The following C5AR2 variants were observed in gnomAD, a reference collection of about 807,000 sequenced individuals.
The protein encoded by C5AR2 is C5a anaphylatoxin chemotactic receptor 2.
For synonymous variants in C5AR2, 224 were observed against 216.5 expected (o/e 1.03, Z -0.30); for missense variants, 458 against 467.5 (o/e 0.98, Z 0.19).
intron 1 of C5AR2, among the ~76,000 whole-genome samples, chr19:47,336,387 G>A (rs1176289970): frequency 6.6e-6 from 1 of 151,716 alleles, no homozygotes; most frequent in Non-Finnish European, 1.5e-5. Context: ...ACTGTGCCCG[G>A]CTAGGGGGGG....
intron 1 of C5AR2, among the ~76,000 whole-genome samples, chr19:47,338,380 G>A (rs1376430247): frequency 6.6e-6 from 1 of 151,048 alleles, no homozygotes; most frequent in African/African-American, 2.4e-5. Flanking sequence ...CCAGGAGTTC[G>A]AGGCTGCAGT....
Position 47,342,007 on chromosome 19 carries a change from A to C in C5AR2, c.*194A>C. 1.7e-6 allele frequency: 1 copy of C among 591,780 alleles called. No individual in the cohort carries two copies. The highest frequency in any genetic ancestry group is 3.1e-6 in the Non-Finnish European group (1 of 327,080). 36.7% of individuals were successfully genotyped at this position (591,780 alleles called of 1,614,324 possible). A position where few individuals can be genotyped will look rare whatever the true frequency, so the allele number is the denominator to read the frequency against. ...ATAGCAGTGACCAAAACAGACACAA[A>C]TCCTGCCCTCAGGGAGCTGATATTC... On this transcript the variant is annotated 3_prime_UTR_variant, in exon 2 of 2. Transcript: ENST00000595464.
At chr19:47,336,397 G>T (rs1008374935) in intron 1 of C5AR2, among the ~76,000 whole-genome samples, 1 of 151,418 alleles carries the variant, frequency 6.6e-6, no homozygotes, top group Admixed American at 6.6e-5. Context: ...GCTAGGGGGG[G>T]TTCAGTTTTT....
chr19:47,342,617 G>GGTCT lies in C5AR2; in HGVS notation c.*804_*805insGTCT, dbSNP rs1969059603. 3.3e-5 allele frequency: 5 copies of GGTCT among 151,920 alleles called. No individual in the cohort carries two copies. Among genetic ancestry groups the GGTCT allele is most frequent in the African/African-American group, 1.2e-4 (5 of 41,384 alleles). 9.4% of individuals were successfully genotyped at this position (151,920 alleles called of 1,614,324 possible). A position where few individuals can be genotyped will look rare whatever the true frequency, so the allele number is the denominator to read the frequency against. On this transcript the variant is annotated 3_prime_UTR_variant, in exon 2 of 2. Coordinates refer to ENST00000595464, the MANE Select transcript of C5AR2 (RefSeq NM_001271749.2). ...AGGATGGTCTTGATCTCCTGACCTG[G>GGTCT]TGATCCACCCGCCTCAGCCTCCCAA...
chr19:47,345,738 G>A lies in C5AR2; in HGVS notation c.*3925G>A, dbSNP rs987019571. ...CGTGAATTAAGACCAAGGCTGTCTT[G>A]TAAAATAAAATTTGTTGTGGAACAA... On this transcript the variant is annotated 3_prime_UTR_variant, in exon 2 of 2. Transcript: ENST00000595464. 6.6e-6 allele frequency: 1 copy of A among 152,004 alleles called. No homozygotes were observed. The highest frequency in any genetic ancestry group is 2.4e-5 in the African/African-American group (1 of 41,390). 9.4% of individuals were successfully genotyped at this position (152,004 alleles called of 1,614,324 possible).
chr19:47,341,588 C>T lies in C5AR2; in HGVS notation c.789C>T (p.Ser263=), dbSNP rs372248694. The T allele has an allele frequency of 3.2e-5, 52 of 1,613,808 alleles. No homozygotes were observed. In the East Asian group the frequency reaches 5.8e-4, roughly 18 times the overall value. Residue 263 remains serine, a synonymous_variant, in exon 2 of 2, where the codon TCC becomes TCT. Coordinates refer to ENST00000595464, the MANE Select transcript of C5AR2 (RefSeq NM_001271749.2). This position sits in a 1 kb window ranked among gnomAD's most constrained non-coding sequence, Gnocchi z 4.6. The part of the protein sequence containing the change: ...GLVLTVAAPN[S]ALLARALRAE... ...TGCTCACTGTGGCGGCCCCGAACTC[C>T]GCACTCCTGGCCAGGGCCCTGCGGG...
chr19:47,338,952 G>A (rs867095302), intron 1 of C5AR2, among the ~76,000 whole-genome samples: 54 of 151,996 alleles, frequency 3.6e-4, no homozygotes, highest in African/African-American at 1.2e-3. Context: ...TCAGGAGTTC[G>A]ACACCAGCCT....
At chr19:47,337,652 ACT>A (rs1318285237) in intron 1 of C5AR2, among the ~76,000 whole-genome samples, 2 of 151,434 alleles carry the variant, frequency 1.3e-5, no homozygotes, top group African/African-American at 2.4e-5. Context: ...ACAGAGCGAG[ACT>A]CTGTCTCAAA....
At chr19:47,340,485 G>A (rs1304629483) in intron 1 of C5AR2, among the ~76,000 whole-genome samples, 2 of 151,624 alleles carry the variant, frequency 1.3e-5, no homozygotes, top group African/African-American at 4.9e-5. Flanking sequence ...GATTACAGGT[G>A]CCCGCCACCA....
At chr19:47,336,076 TTTG>T (rs1284655507) in intron 1 of C5AR2, among the ~76,000 whole-genome samples, 2 of 151,822 alleles carry the variant, frequency 1.3e-5, no homozygotes, top group African/African-American at 2.4e-5. Flanking sequence ...TTTGAGGGTT[TTTG>T]TTGTTGTTGT....
rs140188339 is a variant in C5AR2 at position 47,342,676 on chromosome 19, C to T, written c.*863C>T. On this transcript the variant is annotated 3_prime_UTR_variant, in exon 2 of 2. Transcript: ENST00000595464. ...GATTACAGGCGTGAGCCACCGCACC[C>T]GGCCAAAAGATTTTAATAGGATCCC... The T allele has an allele frequency of 1.8e-3, 271 of 152,650 alleles. 5 individuals carry two copies. The East Asian group carries it at 0.046, about 26-fold the overall frequency. 9.5% of individuals were successfully genotyped at this position (152,650 alleles called of 1,614,324 possible).
intron 1 of C5AR2, among the ~76,000 whole-genome samples, chr19:47,340,244 AC>A (rs1968990114): frequency 6.6e-6 from 1 of 151,792 alleles, no homozygotes; most frequent in Non-Finnish European, 1.5e-5. Flanking sequence ...GGCCTGAACC[AC>A]CGTGCCCAGC....
chr19:47,340,704 G>T, intron 1 of C5AR2, 81 bp from the exon 2 acceptor site: 9 of 1,312,616 alleles, frequency 6.9e-6, no homozygotes, highest in Non-Finnish European at 9.9e-6. Flanking sequence ...GTGCTGGTGG[G>T]CCGGGCTGAT....
chr19:47,341,784 C>T lies in C5AR2; in HGVS notation c.985C>T (p.His329Tyr). ...TGTGGACAGCAAGAAATCCACCAGC[C>T]ATGACCTGGTCTCGGAGATGGAGGT... ...ESVDSKKSTS[H>Y]DLVSEMEV Residue 329 changes from histidine (H) to tyrosine (Y), a missense_variant, in exon 2 of 2, where the codon CAT becomes TAT. Transcript: ENST00000595464. This position sits in a 1 kb window ranked among gnomAD's most constrained non-coding sequence, Gnocchi z 4.6. 6.2e-7 allele frequency: 1 copy of T among 1,613,660 alleles called. No homozygotes were observed. The highest frequency in any genetic ancestry group is 1.3e-5 in the African/African-American group (1 of 75,070).
chr19:47,335,578 C>T (rs1171794482), intron 1 of C5AR2, among the ~76,000 whole-genome samples: 1 of 151,256 alleles, frequency 6.6e-6, no homozygotes, highest in Non-Finnish European at 1.5e-5. Context: ...TGAGACCATC[C>T]TGGCTAACAC....
At position 47,342,255 on chromosome 19, in the gene C5AR2, T is replaced by A. The variant is rs1969051458; in HGVS notation, c.*442T>A. 6.5e-6 allele frequency: 1 copy of A among 154,884 alleles called. No homozygotes were observed. Among genetic ancestry groups the A allele is most frequent in the African/African-American group, 2.4e-5 (1 of 41,322 alleles). The allele number at this position is 154,884 out of a possible 1,614,324, so 9.6% of individuals were successfully genotyped here. A position where few individuals can be genotyped will look rare whatever the true frequency, so the allele number is the denominator to read the frequency against. ...CTGTAGTCCCAGCTACTTGGGAGGC[T>A]GAGGCAGAAGAATCGTTTTGAACCC... On this transcript the variant is annotated 3_prime_UTR_variant, in exon 2 of 2. Transcript: ENST00000595464.
At chr19:47,339,462 C>T (rs1001359281) in intron 1 of C5AR2, among the ~76,000 whole-genome samples, 17 of 152,064 alleles carry the variant, frequency 1.1e-4, no homozygotes, top group Admixed American at 6.6e-5. Context: ...GGATTACAGG[C>T]GTCCACCATC....
Position 47,341,801 on chromosome 19 carries a change from G to A in C5AR2, c.1002G>A (p.Glu334=), listed in dbSNP as rs1969042101. ...KKSTSHDLVS[E]MEV ...CCACCAGCCATGACCTGGTCTCGGA[G>A]ATGGAGGTGTAGGCTGGAGAGACAT... The change falls in exon 2 of 2, where the codon GAG becomes GAA. Residue 334 remains glutamate (E), a synonymous_variant. Coordinates refer to ENST00000595464, the MANE Select transcript of C5AR2 (RefSeq NM_001271749.2). The surrounding 1 kb of genome is among the most constrained non-coding windows in gnomAD (Gnocchi z 4.6). 1 of 1,613,400 alleles carries A rather than the reference G, an allele frequency of 6.2e-7. No individual in the cohort carries two copies. Among genetic ancestry groups the A allele is most frequent in the African/African-American group, 1.3e-5 (1 of 74,956 alleles).
chr19:47,334,889 AT>A (rs2059351593), intron 1 of C5AR2, among the ~76,000 whole-genome samples: 2 of 9,284 alleles, frequency 2.2e-4, no homozygotes, highest in Non-Finnish European at 5.1e-4. Flanking sequence ...GCCAAATCCA[AT>A]TTTTTTTTTT....
Sources: allele counts gnomAD v4.1 joint callset (sites outside exome capture counted in the v4.1 genomes callset), GRCh38; gene constraint gnomAD v4.1.1; non-coding constraint Gnocchi (gnomAD v3.1); transcripts MANE v1.5; gene names NCBI Gene and HGNC (gene_info 2026-07-23, HGNC 2026-07-21).